PRKDC: variants seen among roughly 807,000 people sequenced by gnomAD.
PRKDC encodes the protein protein kinase, DNA-activated, catalytic subunit.
A neutral mutation model predicts 486.9 loss-of-function variants in PRKDC; 82 were observed. The ratio of observed to expected loss-of-function variants is 0.17; its 90% CI spans 0.14 to 0.20. PRKDC has a LOEUF of 0.20. PRKDC is among the 10% of genes least tolerant of loss of function. The probability of loss-of-function intolerance (pLI) is 1.00; values close to 1 mark genes in which losing one functional copy is unlikely to be tolerated. For synonymous variants in PRKDC, 1,895 were observed against 1,837.0 expected (o/e 1.03, Z -0.81); for missense variants, 4,504 against 5,038.2 (o/e 0.89, Z 3.21).
At chr8:47,825,009 C>A (rs1304364400) in intron 63 of PRKDC, among the ~76,000 whole-genome samples, 1 of 152,166 alleles carries the variant, frequency 6.6e-6, no homozygotes, top group African/African-American at 2.4e-5. Context: ...CTAGTAGATG[C>A]AGCTCTCTTA....
In PRKDC at chr8:47,954,432, A is replaced by C; in HGVS notation, c.414T>G (p.Phe138Leu). Residue 138 changes from phenylalanine to leucine, a missense_variant, in exon 5 of 86, where the codon TTT (phenylalanine) becomes TTG (leucine). Transcript: ENST00000314191. ...LDLLIKLLQTFRSSRLMDEFK... is the reference protein window; with the variant it reads ...LDLLIKLLQTLRSSRLMDEFK... ...ATTCATCCATGAGTCTAGAACTTCT[A>C]AAAGTCTGAAGTAACTAAAAGAATA... 7.5e-7 allele frequency: 1 copy of C among 1,329,912 alleles called. No homozygotes were observed. The highest frequency in any genetic ancestry group is 1.0e-6 in the Non-Finnish European group (1 of 980,474). The allele number at this position is 1,329,912 out of a possible 1,614,324, so 82.4% of individuals were successfully genotyped here.
At chr8:47,926,711 T>C (rs1474701318) in intron 21 of PRKDC, 2 of 152,332 alleles carry the variant, frequency 1.3e-5, no homozygotes, top group African/African-American at 4.8e-5. Flanking sequence ...CTTTGACTCT[T>C]TTCCCAAACC....
intron 16 of PRKDC, among the ~76,000 whole-genome samples, chr8:47,932,581 T>C (rs969909104): frequency 1.3e-5 from 2 of 152,184 alleles, no homozygotes; most frequent in African/African-American, 2.4e-5. Context: ...GAGGGCATTT[T>C]CTTATTTCTC....
At chr8:47,866,992 C>T (rs904099026) in intron 40 of PRKDC, among the ~76,000 whole-genome samples, 1 of 152,182 alleles carries the variant, frequency 6.6e-6, no homozygotes, top group African/African-American at 2.4e-5. Flanking sequence ...CCTGCCTCAG[C>T]CTCCCAAAGC....
intron 68 of PRKDC, among the ~76,000 whole-genome samples, chr8:47,808,515 G>C (rs2087260623): frequency 6.6e-6 from 1 of 151,834 alleles, no homozygotes; most frequent in African/African-American, 2.4e-5. Flanking sequence ...CCAGCCTGTA[G>C]TGCAGTAGTT....
At chr8:47,841,479 C>G (rs1366009635) in intron 54 of PRKDC, among the ~76,000 whole-genome samples, 1 of 152,210 alleles carries the variant, frequency 6.6e-6, no homozygotes, top group South Asian at 2.1e-4. Flanking sequence ...GCCTCCATTA[C>G]CCAGCCTGAG....
intron 51 of PRKDC, 75 bp from the exon 52 acceptor site, chr8:47,852,859 C>A: frequency 1.0e-6 from 1 of 997,928 alleles, no homozygotes. Flanking sequence ...TGACAATTTT[C>A]CTTCTCATGT....
chr8:47,824,085 C>T (rs2087670775), intron 63 of PRKDC, 89 bp from the exon 64 acceptor site: 4 of 1,240,618 alleles, frequency 3.2e-6, no homozygotes, highest in South Asian at 5.3e-5. Flanking sequence ...AATCAAGTTG[C>T]CACACATTAT....
intron 72 of PRKDC, among the ~76,000 whole-genome samples, chr8:47,798,974 A>G (rs1464166073): frequency 6.6e-6 from 1 of 152,012 alleles, no homozygotes; most frequent in Non-Finnish European, 1.5e-5. Flanking sequence ...ACGCCCAGCT[A>G]ATTTTTTTGT....
At chr8:47,921,750 TAGA>T (rs963316825) in intron 21 of PRKDC, among the ~76,000 whole-genome samples, 8 of 152,170 alleles carry the variant, frequency 5.3e-5, no homozygotes, top group African/African-American at 1.7e-4. Context: ...GTGGCTATAT[TAGA>T]AGAATAGTAC....
In PRKDC at chr8:47,953,195, C is replaced by T. The variant is rs1263582592; in HGVS notation, c.721+425G>A. Among the ~76,000 whole-genome samples, 4 of 152,074 alleles carry T rather than the reference C, an allele frequency of 2.6e-5. No homozygotes were observed. In the East Asian group the frequency reaches 5.8e-4, roughly 22 times the overall value. The stretch of plus-strand genomic sequence containing the variant: ...TGGTGGTGCGTGCCTATAGTCCCAG[C>T]TATTCAGGAGGCTGAAGTGAAGAAC... On this transcript the variant is annotated intron_variant, in intron 7 of 85. Transcript: ENST00000314191.
At chr8:47,836,939 G>A (rs1473692844) in intron 57 of PRKDC, among the ~76,000 whole-genome samples, 1 of 152,222 alleles carries the variant, frequency 6.6e-6, no homozygotes, top group Non-Finnish European at 1.5e-5. Flanking sequence ...TTAGGCTGCT[G>A]CGAGACAGGA....
At chr8:47,780,233 A>C (rs558266325) in intron 80 of PRKDC, among the ~76,000 whole-genome samples, 44 of 152,150 alleles carry the variant, frequency 2.9e-4, no homozygotes, top group Non-Finnish European at 6.3e-4. Context: ...ATCTTTCTTT[A>C]TATTTCCAAT....
intron 68 of PRKDC, among the ~76,000 whole-genome samples, chr8:47,816,203 C>T (rs1356844972): frequency 7.4e-6 from 1 of 135,328 alleles, no homozygotes; most frequent in African/African-American, 3.6e-5. Context: ...AAAAAGACTG[C>T]ATCAAAAAAA....
chr8:47,834,399 G>T lies in PRKDC; in HGVS notation c.7952-3C>A, dbSNP rs1416869297. On this transcript the variant is annotated splice_region_variant and splice_polypyrimidine_tract_variant and intron_variant, in intron 58 of 85. Transcript: ENST00000314191. Reference sequence around the variant, plus strand: ...CCAATCAAATGAGCTTCTTCCATCTGTGACATGCAATCAGAGAGGTCAGGC... The same window carrying T: ...CCAATCAAATGAGCTTCTTCCATCTTTGACATGCAATCAGAGAGGTCAGGC... 6.2e-7 allele frequency: 1 copy of T among 1,612,822 alleles called. No individual in the cohort carries two copies. The highest frequency in any genetic ancestry group is 1.7e-5 in the Admixed American group (1 of 60,024).
chr8:47,858,065 C>T (rs772035675), intron 48 of PRKDC, among the ~76,000 whole-genome samples: 4 of 152,178 alleles, frequency 2.6e-5, no homozygotes, highest in South Asian at 2.1e-4. Context: ...CACTTCACCA[C>T]GTCTAGCTCA....
At chr8:47,870,291 C>T (rs921986412) in intron 40 of PRKDC, among the ~76,000 whole-genome samples, 1 of 152,172 alleles carries the variant, frequency 6.6e-6, no homozygotes, top group Non-Finnish European at 1.5e-5. Context: ...ATGGTGGTGG[C>T]TACAGAGGTG....
Position 47,874,089 on chromosome 8 carries a change from G to A in PRKDC, c.5363+3635C>T, listed in dbSNP as rs193172315. Among the ~76,000 whole-genome samples the A allele has an allele frequency of 3.4e-3, 506 of 149,202 alleles. 2 individuals are homozygous for A. Among genetic ancestry groups the A allele is most frequent in the Admixed American group, 5.3e-3 (78 of 14,844 alleles). On this transcript the variant is annotated intron_variant, in intron 40 of 85. Transcript: ENST00000314191. ...CTCCCGGGTAGCTGGGACTACAGGC[G>A]CCCACCACCACGCCCGGCTAATTTT...
intron 54 of PRKDC, among the ~76,000 whole-genome samples, chr8:47,845,778 A>G (rs1011122119): frequency 1.3e-5 from 2 of 152,068 alleles, no homozygotes; most frequent in Non-Finnish European, 2.9e-5. Context: ...TACGAATCCT[A>G]CTGAAACTAT....
Sources: gnomAD v4.1 joint callset for allele counts (sites outside exome capture counted in the v4.1 genomes callset) on GRCh38, gnomAD v4.1.1 for gene constraint, MANE v1.5 for transcripts, NCBI Gene and HGNC (gene_info 2026-07-23, HGNC 2026-07-21) for gene names.